Variants in ALK observed in about 807,000 individuals in gnomAD.
The protein encoded by ALK is ALK tyrosine kinase receptor.
ALK carries 74 observed loss-of-function variants against 163.1 expected under a neutral mutation model. The ratio of observed to expected loss-of-function variants is 0.45; its 90% CI spans 0.38 to 0.55. The LOEUF (loss-of-function observed/expected upper bound fraction) is 0.55. Among genes scored for constraint, ALK ranks in the 20% least tolerant of loss-of-function variants. The pLI, the probability that ALK is intolerant of heterozygous loss-of-function variation, is 0.00. For missense variants in ALK, 2,063 were observed against 2,105.3 expected (o/e 0.98, Z 0.39); for synonymous variants, 960 against 843.2 (o/e 1.14, Z -2.40).
At chr2:29,644,616 T>C (rs1166379582) in intron 3 of ALK, among the ~76,000 whole-genome samples, 1 of 151,942 alleles carries the variant, frequency 6.6e-6, no homozygotes, top group East Asian at 1.9e-4. Flanking sequence ...TCTCCATTCA[T>C]GTAGGAATCA....
intron 4 of ALK, among the ~76,000 whole-genome samples, chr2:29,411,273 T>G (rs1669718373): frequency 1.3e-5 from 2 of 152,150 alleles, no homozygotes; most frequent in Admixed American, 1.3e-4. Flanking sequence ...CAATGCCTTC[T>G]TCTGGATATC....
At chr2:29,480,192 TAC>T (rs1401712576) in intron 4 of ALK, among the ~76,000 whole-genome samples, 2 of 152,102 alleles carry the variant, frequency 1.3e-5, no homozygotes, top group Admixed American at 6.6e-5. Flanking sequence ...ACAGGAAAAG[TAC>T]AGTCTCATGT....
chr2:29,256,317 G>C (rs988216519), intron 11 of ALK, among the ~76,000 whole-genome samples: 12 of 152,144 alleles, frequency 7.9e-5, no homozygotes, highest in Non-Finnish European at 1.6e-4. Context: ...CACAAAAGGG[G>C]TGAAAACCTC....
intron 1 of ALK, among the ~76,000 whole-genome samples, chr2:29,900,436 C>T (rs535461463): frequency 6.6e-6 from 1 of 152,362 alleles, no homozygotes; most frequent in African/African-American, 2.4e-5. Context: ...AGGGTCGCTG[C>T]CTCCTCTTCT....
At chr2:29,879,792 A>G (rs1390540889) in intron 1 of ALK, among the ~76,000 whole-genome samples, 1 of 152,220 alleles carries the variant, frequency 6.6e-6, no homozygotes, top group Admixed American at 6.5e-5. Context: ...TCTTTTAGGG[A>G]AAAACTTCTC....
chr2:29,734,860 T>C (rs148984198), intron 1 of ALK, among the ~76,000 whole-genome samples: 487 of 152,210 alleles, frequency 3.2e-3, no homozygotes, highest in African/African-American at 0.011. Context: ...ATTTAAAATA[T>C]ATTTTAAAAT....
intron 2 of ALK, among the ~76,000 whole-genome samples, chr2:29,695,384 G>C (rs1315982570): frequency 1.3e-5 from 2 of 152,278 alleles, no homozygotes; most frequent in Middle Eastern, 3.4e-3. Flanking sequence ...TCCAAGTCTG[G>C]CTCTGCTTTT....
chr2:29,363,997 A>C (rs538049850), intron 5 of ALK, among the ~76,000 whole-genome samples: 8 of 152,328 alleles, frequency 5.3e-5, no homozygotes, highest in Admixed American at 3.3e-4. Flanking sequence ...TCACCAAACT[A>C]AATCTAAGTC....
intron 3 of ALK, among the ~76,000 whole-genome samples, chr2:29,591,067 T>A (rs1293436788): frequency 3.2e-5 from 2 of 63,054 alleles, no homozygotes; most frequent in African/African-American, 1.6e-4. Flanking sequence ...CGAGACTCCG[T>A]CTCAAAAAAA....
chr2:29,439,022 T>C (rs1193884959), intron 4 of ALK, among the ~76,000 whole-genome samples: 3 of 152,174 alleles, frequency 2.0e-5, no homozygotes, highest in Non-Finnish European at 4.4e-5. Flanking sequence ...GCCCAGATAT[T>C]GTTGCTGAGA....
chr2:29,346,521 G>T (rs975296104), intron 5 of ALK, among the ~76,000 whole-genome samples: 2 of 152,238 alleles, frequency 1.3e-5, no homozygotes, highest in Non-Finnish European at 2.9e-5. Flanking sequence ...TGCCCACCAG[G>T]CTGGGGCGAG....
chr2:29,487,631 A>G (rs1210134949), intron 4 of ALK, among the ~76,000 whole-genome samples: 1 of 152,180 alleles, frequency 6.6e-6, no homozygotes, highest in Non-Finnish European at 1.5e-5. Flanking sequence ...GTTTCCTAAT[A>G]GAAATATAGG....
Position 29,297,016 on chromosome 2 carries a change from G to T in ALK, c.1689C>A (p.Asn563Lys), listed in dbSNP as rs565743321. The stretch of plus-strand genomic sequence containing the variant: ...TGTTCTCCACTAGCACCAAGGACAC[G>T]TTTCCCCTCAAGACTCCACGAATGA... ...SWLIRGVLRG[N>K]VSLVLVENKT... Residue 563 changes from asparagine to lysine, a missense_variant, in exon 9 of 29, where the codon AAC becomes AAA. By Grantham distance (94) the Asn-to-Lys change is moderately conservative. Coordinates refer to ENST00000389048, the MANE Select transcript of ALK (RefSeq NM_004304.5). The T allele has an allele frequency of 1.9e-6, 3 of 1,614,160 alleles. No individual in the cohort carries two copies. Among genetic ancestry groups the T allele is most frequent in the East Asian group, 2.2e-5 (1 of 44,884 alleles).
chr2:29,669,103 G>C (rs72784188), intron 3 of ALK, among the ~76,000 whole-genome samples: 7,677 of 151,972 alleles, frequency 0.051, 263 homozygotes, highest in Non-Finnish European at 0.076. Context: ...GCAAATATCA[G>C]TTAGGCACAT....
chr2:29,633,319 A>G (rs1196501941), intron 3 of ALK, among the ~76,000 whole-genome samples: 1 of 152,144 alleles, frequency 6.6e-6, no homozygotes, highest in Non-Finnish European at 1.5e-5. Context: ...GGAGAGATTT[A>G]CCCATGTCAG....
At chr2:29,745,720 G>A (rs1680192298) in intron 1 of ALK, among the ~76,000 whole-genome samples, 1 of 152,178 alleles carries the variant, frequency 6.6e-6, no homozygotes, top group African/African-American at 2.4e-5. Flanking sequence ...CCCATGGTTT[G>A]CCTCCTTCCT....
intron 3 of ALK, among the ~76,000 whole-genome samples, chr2:29,638,812 A>G (rs1478012984): frequency 6.6e-6 from 1 of 151,908 alleles, no homozygotes; most frequent in African/African-American, 2.4e-5. Context: ...CCTCTGACAA[A>G]TCTCTCTCCC....
rs1666414080 is a variant in ALK at position 29,865,591 on chromosome 2, GT to G, written c.667+54401del. On this transcript the variant is annotated intron_variant, in intron 1 of 28. Coordinates refer to ENST00000389048, the MANE Select transcript of ALK (RefSeq NM_004304.5). ...CTCAGTCCTGCCCCCAAAGTCTAGG[GT>G]GAAGAACTATTGGTCCATCTTTGCT... Among the ~76,000 whole-genome samples, 3 of 152,164 alleles carry G rather than the reference GT, an allele frequency of 2.0e-5. No homozygotes were observed. In the South Asian group the frequency reaches 6.2e-4, roughly 32 times the overall value.
chr2:29,918,792 GA>G (rs1667903827), intron 1 of ALK, among the ~76,000 whole-genome samples: 1 of 152,182 alleles, frequency 6.6e-6, no homozygotes, highest in African/African-American at 2.4e-5. Context: ...ATTAATATTA[GA>G]CATTAGTAGC....
Sources: allele counts gnomAD v4.1 joint callset (sites outside exome capture counted in the v4.1 genomes callset), GRCh38; gene constraint gnomAD v4.1.1; transcripts MANE v1.5; gene names NCBI Gene and HGNC (gene_info 2026-07-23, HGNC 2026-07-21).